Variants in PWWP2A observed in about 807,000 individuals in gnomAD.
The protein encoded by PWWP2A is PWWP domain-containing protein 2A.
PWWP2A carries 18 observed loss-of-function variants against 48.5 expected under a neutral mutation model. The observed-to-expected ratio is 0.37, with a 90% confidence interval of 0.26 to 0.55. The LOEUF (loss-of-function observed/expected upper bound fraction) is 0.55, where lower values mean the gene tolerates loss of function less well. PWWP2A is among the 20% of genes least tolerant of loss of function. The probability of loss-of-function intolerance (pLI) is 0.81; values close to 1 mark genes in which losing one functional copy is unlikely to be tolerated. For synonymous variants in PWWP2A, 396 were observed against 387.7 expected, an observed-to-expected ratio of 1.02 and a Z score of -0.25; for missense variants, 867 against 976.4, an observed-to-expected ratio of 0.89 and a Z score of 1.49.
chr5:160,059,312 T>G (rs1757633854), downstream of PWWP2A, among the ~76,000 whole-genome samples: 2 of 152,226 alleles, frequency 1.3e-5, no homozygotes, highest in African/African-American at 4.8e-5. Context: ...CTTTGCACGT[T>G]TATGTTATGG....
At chr5:160,067,581 T>C (rs1177677341) in intron 2 of PWWP2A, among the ~76,000 whole-genome samples, 1 of 152,148 alleles carries the variant, frequency 6.6e-6, no homozygotes, top group Non-Finnish European at 1.5e-5. Flanking sequence ...TTCCTCCTCC[T>C]CTTCCTCTCA....
chr5:160,065,044 A>G, intron 4 of PWWP2A: 1 of 1,611,512 alleles, frequency 6.2e-7, no homozygotes, highest in South Asian at 1.1e-5. Flanking sequence ...ATTTCGTTCA[A>G]AATCCAAATA....
intron 1 of PWWP2A, among the ~76,000 whole-genome samples, chr5:160,102,559 T>C (rs891573427): frequency 1.3e-5 from 2 of 151,968 alleles, no homozygotes; most frequent in Non-Finnish European, 2.9e-5. Flanking sequence ...AATTAAAATA[T>C]GAAACAATGA....
chr5:160,087,725 T>A (rs577459557), downstream of PWWP2A, among the ~76,000 whole-genome samples: 6 of 152,310 alleles, frequency 3.9e-5, no homozygotes, highest in Middle Eastern at 3.4e-3. Context: ...TACAATTTTT[T>A]AAATACCACA....
intron 4 of PWWP2A, among the ~76,000 whole-genome samples, chr5:160,066,227 G>C (rs1753602511): frequency 6.6e-6 from 1 of 151,110 alleles, no homozygotes; most frequent in Non-Finnish European, 1.5e-5. Context: ...CGTGTGGAAT[G>C]CTGGATGGTC....
At chr5:160,058,553 G>T (rs1323528487), downstream of PWWP2A, among the ~76,000 whole-genome samples, 1 of 151,832 alleles carries the variant, frequency 6.6e-6, no homozygotes. Context: ...TGGGACTACA[G>T]GTGCCCACCA....
At chr5:160,096,957 AG>A (rs145327191) in intron 1 of PWWP2A, among the ~76,000 whole-genome samples, 8,447 of 152,326 alleles carry the variant, frequency 0.055, 312 homozygotes, top group South Asian at 0.13. Flanking sequence ...AAAGATCAAT[AG>A]GTGAATACGC....
intron 1 of PWWP2A, among the ~76,000 whole-genome samples, chr5:160,115,181 G>A (rs1219200708): frequency 7.2e-6 from 1 of 139,738 alleles, no homozygotes; most frequent in African/African-American, 2.8e-5. Context: ...CACAAACTCA[G>A]TAGCCCTGAG....
chr5:160,062,808 T>G (rs75262195), intron 5 of PWWP2A, among the ~76,000 whole-genome samples: 7 of 135,442 alleles, frequency 5.2e-5, no homozygotes, highest in South Asian at 2.5e-4. Context: ...CTTTTGATGG[T>G]TTTTTTTTTC....
chr5:160,089,786 C>T (rs944835056), downstream of PWWP2A: 1 of 985,280 alleles, frequency 1.0e-6, no homozygotes, highest in Non-Finnish European at 1.2e-6. Flanking sequence ...CAGTTTACTC[C>T]CACTCCAAGG....
At chr5:160,045,443 TC>T in the PWWP2A span, among the ~76,000 whole-genome samples, 1 of 70,138 alleles carries the variant, frequency 1.4e-5, no homozygotes, top group African/African-American at 5.5e-5. Context: ...GCCCCCGACA[TC>T]CCCCACCCTC....
At chr5:160,072,730 T>C (rs1408951332), downstream of PWWP2A, among the ~76,000 whole-genome samples, 1 of 147,560 alleles carries the variant, frequency 6.8e-6, no homozygotes, top group African/African-American at 2.5e-5. Context: ...CTCCGTCTCA[T>C]AAATAAATAA....
rs1158113761 is a variant in PWWP2A at position 160,095,683 on chromosome 5, GTTCTTTTTT to G, written c.585-1627_585-1619del. The stretch of plus-strand genomic sequence containing the variant: ...CTTCAGTGCTCAGATTCTCCGAAAT[GTTCTTTTTT>G]TTTTTTTTTTTTTTTTTTAAAGACA... On this transcript the variant is annotated intron_variant, in intron 1 of 1. Coordinates refer to ENST00000307063, the MANE Select transcript of PWWP2A (RefSeq NM_001130864.2). 2.8e-5 allele frequency among the ~76,000 whole-genome samples: 3 copies of G among 108,788 alleles called. No homozygotes were observed. The East Asian group carries it at 7.9e-4, about 29-fold the overall frequency. 71.4% of individuals were successfully genotyped at this position (108,788 alleles called of 152,430 possible).
intron 1 of PWWP2A, chr5:160,116,614 A>G (rs1758171783): frequency 1.0e-6 from 1 of 969,686 alleles, no homozygotes; most frequent in Non-Finnish European, 1.2e-6. Flanking sequence ...GCAATTCTCC[A>G]CTAAAGAAAA....
chr5:160,063,225 G>C (rs893507438), intron 5 of PWWP2A, among the ~76,000 whole-genome samples: 2 of 152,146 alleles, frequency 1.3e-5, no homozygotes, highest in African/African-American at 4.8e-5. Context: ...CCTGTAAAAT[G>C]TAAAGGCCAT....
In PWWP2A at chr5:160,093,301, T is replaced by C; in HGVS notation, c.1349A>G (p.Lys450Arg). The C allele has an allele frequency of 6.2e-7, 1 of 1,614,012 alleles. No homozygotes were observed. Among genetic ancestry groups the C allele is most frequent in the Non-Finnish European group, 8.5e-7 (1 of 1,179,874 alleles). Residue 450 changes from lysine to arginine, a missense_variant, in exon 2 of 2, where the codon AAA (lysine) becomes AGA (arginine). This residue lies in a region of PWWP2A where 382 missense variants were observed against 407.2 expected (regional missense o/e 0.94). Coordinates refer to ENST00000307063, the MANE Select transcript of PWWP2A (RefSeq NM_001130864.2). This position sits in a 1 kb window ranked among gnomAD's most constrained non-coding sequence, Gnocchi z 5.8. ...GAAATGGACTTTTGAATGTGCATTT[T>C]TGGAAGTAGAGGTTTCATTTTGCTT... ...QKKQNETSTS[K>R]NAHSKVHFTR...
chr5:160,078,017 C>T lies in PWWP2A; in HGVS notation c.*138G>A. 1.4e-6 allele frequency: 1 copy of T among 709,328 alleles called. No homozygotes were observed. The highest frequency in any genetic ancestry group is 1.8e-5 in the South Asian group (1 of 56,842). The allele number at this position is 709,328 out of a possible 1,614,324, so 43.9% of individuals were successfully genotyped here. A position where few individuals can be genotyped will look rare whatever the true frequency, so the allele number is the denominator to read the frequency against. ...AAGACAGCACAATTTGCAAGTGCCCCTTTATAGACTGTTGTTTTTAACCAC... is the reference window on the plus strand; with the variant it reads ...AAGACAGCACAATTTGCAAGTGCCCTTTTATAGACTGTTGTTTTTAACCAC... On this transcript the variant is annotated 3_prime_UTR_variant, in exon 4 of 4. Transcript: ENST00000456329. This position sits in a 1 kb window ranked among gnomAD's most constrained non-coding sequence, Gnocchi z 4.2.
At chr5:160,096,565 T>C (rs1755674410) in intron 1 of PWWP2A, among the ~76,000 whole-genome samples, 1 of 152,178 alleles carries the variant, frequency 6.6e-6, no homozygotes, top group South Asian at 2.1e-4. Flanking sequence ...AGGCATAATT[T>C]TGCCCCCATC....
At chr5:160,076,010 A>G (rs1182691197) in exon 4 of PWWP2A, 1 of 152,146 alleles carries the variant, frequency 6.6e-6, no homozygotes, top group Non-Finnish European at 1.5e-5. Flanking sequence ...TAGGCTTATG[A>G]AGATTGAAAT....
Sources: gnomAD v4.1 joint callset for allele counts (sites outside exome capture counted in the v4.1 genomes callset) on GRCh38, gnomAD v4.1.1 for gene constraint, gnomAD v4.1.1 regional missense constraint, Gnocchi (gnomAD v3.1) non-coding constraint, MANE v1.5 for transcripts, NCBI Gene and HGNC (gene_info 2026-07-23, HGNC 2026-07-21) for gene names.